Variants in SLC7A2 observed in about 807,000 individuals in gnomAD.
SLC7A2 encodes the protein cationic amino acid transporter 2.
Under a neutral mutation model 58.9 loss-of-function variants are expected in SLC7A2, and 48 were observed. That is an observed-to-expected ratio of 0.82 (90% CI 0.65 to 1.04). The LOEUF (loss-of-function observed/expected upper bound fraction) is 1.04. Ranked by LOEUF, SLC7A2 falls within the 50% of genes least tolerant of loss-of-function variation. The pLI is 0.00. For synonymous variants in SLC7A2, 363 were observed against 314.5 expected, an observed-to-expected ratio of 1.15 and a Z score of -1.63; for missense variants, 1,029 against 818.8, an observed-to-expected ratio of 1.26 and a Z score of -3.13.
intron 2 of SLC7A2, chr8:17,538,829 A>G (rs1434972409): frequency 6.2e-7 from 1 of 1,613,658 alleles, no homozygotes; most frequent in South Asian, 1.1e-5. Context: ...ACTGGAATGA[A>G]GATAGAAACA....
intron 12 of SLC7A2, among the ~76,000 whole-genome samples, chr8:17,563,938 G>A (rs910900204): frequency 6.6e-6 from 1 of 151,966 alleles, no homozygotes; most frequent in Non-Finnish European, 1.5e-5. Context: ...CTACTTATGG[G>A]TGAAAAAAAT....
At chr8:17,561,357 G>A (rs2720558) in intron 10 of SLC7A2, among the ~76,000 whole-genome samples, 39,595 of 151,944 alleles carry the variant, frequency 0.26, 5,943 homozygotes, top group Non-Finnish European at 0.34. Flanking sequence ...GAAGAGAATG[G>A]TAACCAAGCA....
intron 12 of SLC7A2, 32 bp downstream of exon 12, chr8:17,563,743 A>C: frequency 7.9e-7 from 1 of 1,273,416 alleles, no homozygotes; most frequent in Non-Finnish European, 1.1e-6. Flanking sequence ...TCTCTTTCCT[A>C]TTTCATGTGC....
chr8:17,558,049 G>T (rs1181754765), intron 8 of SLC7A2, among the ~76,000 whole-genome samples: 1 of 152,114 alleles, frequency 6.6e-6, no homozygotes, highest in African/African-American at 2.4e-5. Flanking sequence ...TATTTTTTAT[G>T]TAATCCAAGT....
chr8:17,496,892 G>A (rs947162537), upstream of SLC7A2, among the ~76,000 whole-genome samples: 7 of 151,818 alleles, frequency 4.6e-5, no homozygotes, highest in African/African-American at 1.4e-4. Flanking sequence ...CCGCCCACGT[G>A]TGCTCGGCTC....
intron 2 of SLC7A2, among the ~76,000 whole-genome samples, chr8:17,507,264 G>A (rs1409539091): frequency 6.6e-6 from 1 of 152,102 alleles, no homozygotes. Context: ...TTTTTAAATT[G>A]GGGATCAGTA....
chr8:17,499,989 A>G lies in SLC7A2; in HGVS notation c.-68-2268A>G, dbSNP rs568575215. 43 of 152,318 alleles carry G rather than the reference A, an allele frequency of 2.8e-4. No individual in the cohort carries two copies. In the East Asian group the frequency reaches 7.7e-3, roughly 27 times the overall value. The allele number at this position is 152,318 out of a possible 1,614,324, so 9.4% of individuals were successfully genotyped here. A position where few individuals can be genotyped will look rare whatever the true frequency, so the allele number is the denominator to read the frequency against. On this transcript the variant is annotated intron_variant, in intron 1 of 12. Transcript: ENST00000494857. ...ACTGATTTCAACAGTTTGAGAAAAG[A>G]TGTTTTATCTGTCTTCAAATGTATT...
At chr8:17,509,972 C>T (rs772126312) in intron 2 of SLC7A2, among the ~76,000 whole-genome samples, 2 of 152,126 alleles carry the variant, frequency 1.3e-5, no homozygotes, top group Non-Finnish European at 2.9e-5. Flanking sequence ...GTAACCCCAG[C>T]ACTTTGGGAG....
At chr8:17,496,149 C>T (rs1298507280), upstream of SLC7A2, among the ~76,000 whole-genome samples, 1 of 152,056 alleles carries the variant, frequency 6.6e-6, no homozygotes. Flanking sequence ...AGTAATAGGC[C>T]GGGCATGGTG....
chr8:17,508,222 A>G (rs975327603), intron 2 of SLC7A2, among the ~76,000 whole-genome samples: 3 of 152,126 alleles, frequency 2.0e-5, no homozygotes, highest in Admixed American at 1.3e-4. Context: ...TTGATAGTGC[A>G]TTTTTTCTCT....
intron 2 of SLC7A2, among the ~76,000 whole-genome samples, chr8:17,527,619 C>G (rs1475703059): frequency 1.3e-5 from 2 of 152,160 alleles, no homozygotes; most frequent in African/African-American, 2.4e-5. Context: ...CTTGCCTCTT[C>G]TAGCTTCTGG....
In SLC7A2 at chr8:17,548,417, A is replaced by C. The variant is rs149166584; in HGVS notation, c.533-261A>C. The stretch of plus-strand genomic sequence containing the variant: ...TTACCTATCACTGGCAAAGATGGCC[A>C]AAGTTACTAGATTTATGTTTCTTAG... On this transcript the variant is annotated intron_variant, in intron 4 of 12. Transcript: ENST00000494857. Among the ~76,000 whole-genome samples the C allele has an allele frequency of 6.7e-3, 1,023 of 152,346 alleles. 11 individuals are homozygous for C. Among genetic ancestry groups the C allele is most frequent in the African/African-American group, 0.022 (935 of 41,578 alleles).
intron 2 of SLC7A2, among the ~76,000 whole-genome samples, chr8:17,515,911 CTT>C (rs1800785748): frequency 6.6e-6 from 1 of 152,086 alleles, no homozygotes; most frequent in Admixed American, 6.5e-5. Context: ...GGTAGGAACA[CTT>C]TTTATTAGGG....
At chr8:17,560,269 T>A in intron 9 of SLC7A2, 59 bp from the exon 10 acceptor site, 7 of 1,363,106 alleles carry the variant, frequency 5.1e-6, no homozygotes, top group Non-Finnish European at 7.3e-6. Context: ...TAGGTGCTGG[T>A]TTCACTTGGG....
At chr8:17,525,371 A>G (rs747088693) in intron 2 of SLC7A2, among the ~76,000 whole-genome samples, 4 of 152,236 alleles carry the variant, frequency 2.6e-5, no homozygotes, top group Non-Finnish European at 5.9e-5. Context: ...AATATATGCA[A>G]TAAGAAACAA....
rs1446162843 is a variant in SLC7A2, at chr8:17,568,434, A to C, written c.*3288A>C. On this transcript the variant is annotated 3_prime_UTR_variant, in exon 13 of 13. Coordinates refer to ENST00000494857, the MANE Select transcript of SLC7A2 (RefSeq NM_001370338.1). ...TAAACATTGAGAGAACGAAAGCCAAAGTGTCATTTAAGAGAGATATATATG... is the reference window on the plus strand; with the variant it reads ...TAAACATTGAGAGAACGAAAGCCAACGTGTCATTTAAGAGAGATATATATG... The C allele has an allele frequency of 2.6e-5, 4 of 152,138 alleles. No homozygotes were observed. Among genetic ancestry groups the C allele is most frequent in the Non-Finnish European group, 5.9e-5 (4 of 68,008 alleles). The allele number at this position is 152,138 out of a possible 1,614,324, so 9.4% of individuals were successfully genotyped here. A position where few individuals can be genotyped will look rare whatever the true frequency, so the allele number is the denominator to read the frequency against.
At chr8:17,547,785 AGTGTGTGTGTGTGTGT>A (rs35052068) in intron 4 of SLC7A2, among the ~76,000 whole-genome samples, 2 of 144,816 alleles carry the variant, frequency 1.4e-5, no homozygotes, top group South Asian at 2.3e-4. Context: ...GGCACAAAAG[AGTGTGTGTGTGTGTGT>A]GTGTGTGTGT....
chr8:17,543,944 C>G (rs141256227), intron 3 of SLC7A2, among the ~76,000 whole-genome samples: 1 of 152,192 alleles, frequency 6.6e-6, no homozygotes, highest in African/African-American at 2.4e-5. Flanking sequence ...TCTCAGCTCG[C>G]TGCAACCTCT....
intron 2 of SLC7A2, among the ~76,000 whole-genome samples, chr8:17,532,561 C>CTT (rs1279294086): frequency 1.3e-5 from 2 of 152,062 alleles, no homozygotes; most frequent in Admixed American, 6.6e-5. Context: ...TTTAGAGAAA[C>CTT]TGACAGTTTG....
Sources: gnomAD v4.1 joint callset for allele counts (sites outside exome capture counted in the v4.1 genomes callset) on GRCh38, gnomAD v4.1.1 for gene constraint, MANE v1.5 for transcripts, NCBI Gene and HGNC (gene_info 2026-07-23, HGNC 2026-07-21) for gene names.